NKD2: variants seen among roughly 807,000 people sequenced by gnomAD.
NKD2 encodes NKD inhibitor of Wnt signaling pathway 2.
Under a neutral mutation model 34.8 loss-of-function variants are expected in NKD2, and 43 were observed. The observed-to-expected ratio is 1.24, with a 90% confidence interval of 0.97 to 1.60. The LOEUF (loss-of-function observed/expected upper bound fraction) is 1.60. Ranked by LOEUF, NKD2 falls within the 40% of genes most tolerant of loss-of-function variation. The pLI is 0.00. For missense variants in NKD2, 675 were observed against 627.1 expected (o/e 1.08, Z -0.82); for synonymous variants, 278 against 265.1 (o/e 1.05, Z -0.47).
In NKD2 at chr5:1,035,405, T is replaced by C; in HGVS notation, c.591T>C (p.Arg197=). 1 of 1,559,086 alleles carries C rather than the reference T, an allele frequency of 6.4e-7. No individual in the cohort carries two copies. The highest frequency in any genetic ancestry group is 8.7e-7 in the Non-Finnish European group (1 of 1,151,334). The change falls in exon 8 of 10, where the codon CGT becomes CGC. Residue 197 remains arginine, a synonymous_variant. Transcript: ENST00000296849. ...PPAGQDREPT[R]CRMEGELAEE... ...CCCTTTCAGACCGGGAGCCCACCCG[T>C]TGCAGGATGGAGGGTGAACTGGCAG...
At position 1,038,595 on chromosome 5, in the gene NKD2, A is replaced by G. The variant is rs1442283699; in HGVS notation, c.*222A>G. ...CCTCTGCTCTTCTGCCCTCGATGCC[A>G]CATGGCGGTGAACACATCTGAAGCC... On this transcript the variant is annotated 3_prime_UTR_variant, in exon 10 of 10. Transcript: ENST00000296849. This position sits in a 1 kb window ranked among gnomAD's most constrained non-coding sequence, Gnocchi z 4.5. 3.4e-6 allele frequency: 3 copies of G among 880,216 alleles called. No individual in the cohort carries two copies. The highest frequency in any genetic ancestry group is 2.7e-5 in the East Asian group (1 of 37,664). The allele number at this position is 880,216 out of a possible 1,614,324, so 54.5% of individuals were successfully genotyped here. A position where few individuals can be genotyped will look rare whatever the true frequency, so the allele number is the denominator to read the frequency against.
Position 1,037,788 on chromosome 5 carries a change from C to G in NKD2, c.788-17C>G. 1 of 1,563,900 alleles carries G rather than the reference C, an allele frequency of 6.4e-7. No homozygotes were observed. Among genetic ancestry groups the G allele is most frequent in the East Asian group, 2.3e-5 (1 of 44,400 alleles). ...GCCTGCACTCCCAGGGCCTCACACT[C>G]TGACCTGTGTCCGCAGGGTCCCCTC... On this transcript the variant is annotated splice_polypyrimidine_tract_variant and intron_variant, in intron 9 of 9. Transcript: ENST00000296849.
intron 3 of NKD2, among the ~76,000 whole-genome samples, chr5:1,021,387 CCCACCCGT>C (rs1170435636): frequency 1.7e-5 from 2 of 119,144 alleles, no homozygotes; most frequent in African/African-American, 6.4e-5. Flanking sequence ...CACCCACCCA[CCCACCCGT>C]CCCAACCCCT....
At position 1,038,511 on chromosome 5, in the gene NKD2, T is replaced by A; in HGVS notation, c.*138T>A. The A allele has an allele frequency of 6.7e-7, 1 of 1,493,840 alleles. No individual in the cohort carries two copies. Among genetic ancestry groups the A allele is most frequent in the Non-Finnish European group, 9.0e-7 (1 of 1,111,138 alleles). 92.5% of individuals were successfully genotyped at this position (1,493,840 alleles called of 1,614,324 possible). On this transcript the variant is annotated 3_prime_UTR_variant, in exon 10 of 10. Transcript: ENST00000296849. The surrounding 1 kb of genome is among the most constrained non-coding windows in gnomAD (Gnocchi z 4.5). ...CCTCCGACAGCAAACAGCAACTGAC[T>A]GCAGGTGCTGGCATGATGGAGGTGG...
In NKD2 at chr5:1,009,541, G is replaced by A. The variant is rs111793386; in HGVS notation, c.122G>A (p.Arg41Gln). The change falls in exon 3 of 10, where the codon CGG becomes CAG. Residue 41 changes from arginine to glutamine, a missense_variant. By Grantham distance (43) the Arg-to-Gln change is conservative. Transcript: ENST00000296849. The surrounding 1 kb of genome is among the most constrained non-coding windows in gnomAD (Gnocchi z 6.9). ...SGRKGAEEAE[R>Q]RARDKQELPN... ...CGCAAAGGCGCGGAGGAAGCGGAGC[G>A]GCGCGCGCGGGACAAGCAGGTAGGC... The A allele has an allele frequency of 2.8e-4, 411 of 1,492,080 alleles. No homozygotes were observed. The African/African-American group carries it at 5.2e-3, about 19-fold the overall frequency. 92.4% of individuals were successfully genotyped at this position (1,492,080 alleles called of 1,614,324 possible).
intron 3 of NKD2, among the ~76,000 whole-genome samples, chr5:1,029,692 TC>T (rs1756563436): frequency 6.6e-6 from 1 of 152,120 alleles, no homozygotes; most frequent in South Asian, 2.1e-4. Flanking sequence ...CACTTAAAAA[TC>T]CTTAAAAAAT....
chr5:1,030,751 C>T lies in NKD2; in HGVS notation c.142-1401C>T, dbSNP rs1017988247. On this transcript the variant is annotated intron_variant, in intron 3 of 9. Coordinates refer to ENST00000296849, the MANE Select transcript of NKD2 (RefSeq NM_033120.4). ...GGACTGCAGCCCCCAGGAGGGAGGC[C>T]TACTTTTTAATAATCAGCTGTTTTG... 3.9e-5 allele frequency among the ~76,000 whole-genome samples: 6 copies of T among 152,234 alleles called. No homozygotes were observed. The East Asian group carries it at 7.8e-4, about 20-fold the overall frequency.
rs2150753216 is a variant in NKD2, at chr5:1,037,511, C to A, written c.788-294C>A. ...ATAACCTGGCTTTCTGCCACGGCGC[C>A]CCAAGCAGGGTCTCAGCTGTGCGAG... is the stretch of plus-strand genomic sequence containing the variant. On this transcript the variant is annotated intron_variant, in intron 9 of 9. Transcript: ENST00000296849. 3 of 1,534,228 alleles carry A rather than the reference C, an allele frequency of 2.0e-6. No homozygotes were observed. In the East Asian group the frequency reaches 7.3e-5, roughly 38 times the overall value.
At chr5:1,014,254 T>A (rs1258756343) in intron 3 of NKD2, among the ~76,000 whole-genome samples, 1 of 152,298 alleles carries the variant, frequency 6.6e-6, no homozygotes, top group East Asian at 1.9e-4. Flanking sequence ...GCTTACATCT[T>A]TCCTTTTCTT....
chr5:1,012,641 G>A (rs1579244918), intron 3 of NKD2, among the ~76,000 whole-genome samples: 1 of 152,256 alleles, frequency 6.6e-6, no homozygotes, highest in Admixed American at 6.5e-5. Context: ...CCTCAGCATG[G>A]CCTTGCTCAC....
chr5:1,011,778 G>A (rs1211058759), intron 3 of NKD2, among the ~76,000 whole-genome samples: 1 of 152,222 alleles, frequency 6.6e-6, no homozygotes, highest in African/African-American at 2.4e-5. Context: ...GCCTCTGTAC[G>A]TGTCTGAAAA....
chr5:1,034,851 C>T lies in NKD2; in HGVS notation c.522C>T (p.Thr174=), dbSNP rs768598296. Residue 174 remains threonine, a synonymous_variant, in exon 7 of 10, where the codon ACC becomes ACT. Transcript: ENST00000296849. ...GSSKTLRVKL[T]VSPEPSSKRK... ...GCAAGACCCTCCGTGTGAAGCTAACCGTCAGCCCTGAGCCCTCCAGCAAGA... is the reference window on the plus strand; with the variant it reads ...GCAAGACCCTCCGTGTGAAGCTAACTGTCAGCCCTGAGCCCTCCAGCAAGA... The T allele has an allele frequency of 1.7e-5, 28 of 1,612,644 alleles. No individual in the cohort carries two copies. Among genetic ancestry groups the T allele is most frequent in the African/African-American group, 6.7e-5 (5 of 74,912 alleles).
At chr5:1,030,738 C>T (rs1007971541) in intron 3 of NKD2, among the ~76,000 whole-genome samples, 3 of 152,164 alleles carry the variant, frequency 2.0e-5, no homozygotes, top group African/African-American at 7.2e-5. Context: ...ACTGCAGCCC[C>T]CAGGAGGGAG....
At position 1,019,585 on chromosome 5, in the gene NKD2, G is replaced by C. The variant is rs1293260432; in HGVS notation, c.141+10025G>C. Among the ~76,000 whole-genome samples the C allele has an allele frequency of 2.6e-5, 4 of 152,176 alleles. 1 individual carries two copies. The highest frequency in any genetic ancestry group is 9.7e-5 in the African/African-American group (4 of 41,436). ...TTGTCGCGTGCAGGGCATGCGACGG[G>C]GGTGCTTTAGAGAAAGAAAAGGCCT... is the stretch of plus-strand genomic sequence containing the variant. On this transcript the variant is annotated intron_variant, in intron 3 of 9. Coordinates refer to ENST00000296849, the MANE Select transcript of NKD2 (RefSeq NM_033120.4).
Position 1,037,902 on chromosome 5 carries a change from C to T in NKD2, c.885C>T (p.His295=). The T allele has an allele frequency of 1.2e-6, 2 of 1,606,766 alleles. No individual in the cohort carries two copies. The highest frequency in any genetic ancestry group is 8.5e-7 in the Non-Finnish European group (1 of 1,179,526). ...AGGAGCCAGATACACATGCCGTACA[C>T]CACCGCAGGTCACAGGTGCTGGTGG... is the stretch of plus-strand genomic sequence containing the variant. ...RSQEPDTHAV[H]HRRSQVLVEH... Residue 295 remains histidine, a synonymous_variant, in exon 10 of 10, where the codon CAC becomes CAT. Coordinates refer to ENST00000296849, the MANE Select transcript of NKD2 (RefSeq NM_033120.4).
chr5:1,014,466 C>A, intron 3 of NKD2, among the ~76,000 whole-genome samples: 1 of 152,224 alleles, frequency 6.6e-6, no homozygotes, highest in East Asian at 1.9e-4. Flanking sequence ...CCACGAGTGC[C>A]CTTCGGTGCC....
intron 8 of NKD2, chr5:1,036,025 C>T: frequency 9.9e-7 from 1 of 1,005,510 alleles, no homozygotes; most frequent in Non-Finnish European, 1.3e-6. Flanking sequence ...ACCTGCGGCT[C>T]TGGTGCCTGG....
In NKD2 at chr5:1,038,563, C is replaced by G. The variant is rs767401283; in HGVS notation, c.*190C>G. 103 of 1,182,048 alleles carry G rather than the reference C, an allele frequency of 8.7e-5. No homozygotes were observed. The highest frequency in any genetic ancestry group is 1.2e-4 in the Admixed American group (6 of 50,264). The allele number at this position is 1,182,048 out of a possible 1,614,324, so 73.2% of individuals were successfully genotyped here. A position where few individuals can be genotyped will look rare whatever the true frequency, so the allele number is the denominator to read the frequency against. On this transcript the variant is annotated 3_prime_UTR_variant, in exon 10 of 10. Transcript: ENST00000296849. The surrounding 1 kb of genome is among the most constrained non-coding windows in gnomAD (Gnocchi z 4.5). Reference sequence around the variant, plus strand: ...GCACCTTGGACACGTGGACAAGGCCCAGGCGCCCTCTGCTCTTCTGCCCTC... The same window carrying G: ...GCACCTTGGACACGTGGACAAGGCCGAGGCGCCCTCTGCTCTTCTGCCCTC...
intron 9 of NKD2, 62 bp downstream of exon 9, chr5:1,036,446 G>C: frequency 6.9e-7 from 1 of 1,452,330 alleles, no homozygotes; most frequent in Non-Finnish European, 9.5e-7. Context: ...CGAAGGTCTT[G>C]ATTCCCACAG....
Sources: allele counts gnomAD v4.1 joint callset (sites outside exome capture counted in the v4.1 genomes callset), GRCh38; gene constraint gnomAD v4.1.1; non-coding constraint Gnocchi (gnomAD v3.1); transcripts MANE v1.5; gene names NCBI Gene and HGNC (gene_info 2026-07-23, HGNC 2026-07-21).